Variants in RELN observed in about 807,000 individuals in gnomAD.
The protein encoded by RELN is reelin.
Under a neutral mutation model 427.6 loss-of-function variants are expected in RELN, and 108 were observed. The ratio of observed to expected loss-of-function variants is 0.25; its 90% CI spans 0.22 to 0.30. The LOEUF (loss-of-function observed/expected upper bound fraction) is 0.30. Among genes scored for constraint, RELN ranks in the 10% least tolerant of loss-of-function variants. The probability of loss-of-function intolerance (pLI) is 1.00; values close to 1 mark genes in which losing one functional copy is unlikely to be tolerated. For synonymous variants in RELN, 1,524 were observed against 1,513.4 expected (o/e 1.01, Z -0.16); for missense variants, 3,715 against 4,302.8 (o/e 0.86, Z 3.82).
intron 2 of RELN, among the ~76,000 whole-genome samples, chr7:103,854,197 C>T (rs1052524595): frequency 6.6e-6 from 1 of 152,124 alleles, no homozygotes; most frequent in East Asian, 1.9e-4. Context: ...ATCGATTCAT[C>T]TGTTGTAGTC....
At chr7:103,976,922 C>T (rs1004962990) in intron 1 of RELN, among the ~76,000 whole-genome samples, 9 of 151,854 alleles carry the variant, frequency 5.9e-5, no homozygotes, top group Non-Finnish European at 1.2e-4. Context: ...TATGGTGGCA[C>T]GTGCCTGTAA....
chr7:103,564,545 T>C (rs1219049379), intron 34 of RELN, among the ~76,000 whole-genome samples: 1 of 152,154 alleles, frequency 6.6e-6, no homozygotes, highest in Non-Finnish European at 1.5e-5. Flanking sequence ...AAGATGCACT[T>C]GAGGCAGAAA....
intron 3 of RELN, among the ~76,000 whole-genome samples, chr7:103,787,789 A>G (rs1792056581): frequency 1.3e-5 from 2 of 152,230 alleles, no homozygotes; most frequent in African/African-American, 4.8e-5. Flanking sequence ...TTCTGAAACT[A>G]TTCCAAACAT....
intron 3 of RELN, among the ~76,000 whole-genome samples, chr7:103,823,788 C>A (rs538718465): frequency 1.3e-4 from 20 of 152,182 alleles, no homozygotes; most frequent in African/African-American, 4.3e-4. Flanking sequence ...GTATCCTACA[C>A]CTTCCTTCTG....
At chr7:103,560,125 C>CAT (rs1830610365) in intron 36 of RELN, among the ~76,000 whole-genome samples, 1 of 152,340 alleles carries the variant, frequency 6.6e-6, no homozygotes, top group African/African-American at 2.4e-5. Context: ...TCTGCTGCCA[C>CAT]ATATATTCTA....
chr7:103,905,710 CTTCACAGGAGTGAAGATG>C (rs1795189547), intron 2 of RELN, among the ~76,000 whole-genome samples: 1 of 151,390 alleles, frequency 6.6e-6, no homozygotes, highest in Non-Finnish European at 1.5e-5. Context: ...GTGAAGATGA[CTTCACAGGAGTGAAGATG>C]ACTAGGTTAT....
intron 20 of RELN, among the ~76,000 whole-genome samples, chr7:103,612,367 C>G (rs886897959): frequency 1.3e-5 from 2 of 151,786 alleles, no homozygotes; most frequent in Admixed American, 6.6e-5. Flanking sequence ...CCTCCGCCCC[C>G]CTGGTTCAAG....
chr7:103,960,783 G>A (rs762314557), intron 1 of RELN, among the ~76,000 whole-genome samples: 6 of 152,110 alleles, frequency 3.9e-5, no homozygotes, highest in Non-Finnish European at 7.3e-5. Flanking sequence ...CAAACTCTCC[G>A]CTCTGTCCCC....
chr7:103,476,237 G>A (rs1209091900), intron 64 of RELN, among the ~76,000 whole-genome samples: 1 of 152,146 alleles, frequency 6.6e-6, no homozygotes. Flanking sequence ...GGCTGAGGAA[G>A]GCAGATCATG....
At chr7:103,815,720 A>T (rs1792853595) in intron 3 of RELN, among the ~76,000 whole-genome samples, 2 of 151,962 alleles carry the variant, frequency 1.3e-5, no homozygotes, top group South Asian at 4.1e-4. Context: ...TCCCCCAAAG[A>T]CTTTCTAAAA....
intron 3 of RELN, among the ~76,000 whole-genome samples, chr7:103,822,463 G>A (rs1793037912): frequency 6.6e-6 from 1 of 152,002 alleles, no homozygotes; most frequent in African/African-American, 2.4e-5. Flanking sequence ...GAGCACCTAA[G>A]ATACTGTAAT....
intron 16 of RELN, among the ~76,000 whole-genome samples, chr7:103,642,351 T>G (rs1478479130): frequency 1.2e-4 from 9 of 77,044 alleles, no homozygotes; most frequent in African/African-American, 1.5e-4. Context: ...TTCATAGTGT[T>G]TTTTTTTTTT....
At position 103,558,003 on chromosome 7, in the gene RELN, G is replaced by T; in HGVS notation, c.5576C>A (p.Thr1859Lys). ...LISRDLDCTN[T>K]MYVQFSLRFI... ...TCTAAGTGAAAACTGGACATACATT[G>T]TATTTGTACAATCTAGATCTCTTGA... Residue 1859 changes from threonine to lysine, a missense_variant, in exon 37 of 65, where the codon ACA becomes AAA. Physicochemically the swap from Thr to Lys is moderately conservative, Grantham distance 78. Around this residue, in one of 4 missense-constraint regions of RELN, gnomAD observed 2,208 missense variants for 2,361.7 expected, o/e 0.93. Coordinates refer to ENST00000428762, the MANE Select transcript of RELN (RefSeq NM_005045.4). 6.7e-7 allele frequency: 1 copy of T among 1,498,360 alleles called. No homozygotes were observed. Among genetic ancestry groups the T allele is most frequent in the Non-Finnish European group, 9.3e-7 (1 of 1,074,874 alleles). The allele number at this position is 1,498,360 out of a possible 1,614,324, so 92.8% of individuals were successfully genotyped here.
intron 17 of RELN, among the ~76,000 whole-genome samples, chr7:103,637,857 A>G (rs1350800414): frequency 6.6e-6 from 1 of 152,198 alleles, no homozygotes; most frequent in Non-Finnish European, 1.5e-5. Flanking sequence ...TAGCAAGACT[A>G]TCTATTCCAG....
intron 4 of RELN, among the ~76,000 whole-genome samples, chr7:103,766,972 G>A (rs1176820440): frequency 6.6e-6 from 1 of 152,218 alleles, no homozygotes; most frequent in Non-Finnish European, 1.5e-5. Flanking sequence ...TTGGGCTTTG[G>A]GGGCACTATA....
intron 61 of RELN, among the ~76,000 whole-genome samples, chr7:103,485,182 A>G (rs1828386691): frequency 6.7e-6 from 1 of 149,958 alleles, no homozygotes; most frequent in African/African-American, 2.5e-5. Context: ...ATGATGTTAC[A>G]GAAAACACCA....
At chr7:103,784,771 C>A (rs937755762) in intron 3 of RELN, among the ~76,000 whole-genome samples, 17 of 152,230 alleles carry the variant, frequency 1.1e-4, no homozygotes, top group African/African-American at 4.1e-4. Flanking sequence ...ACTCAGAAAA[C>A]ATTCTTTTTG....
At chr7:103,602,818 C>T (rs957610215) in intron 24 of RELN, among the ~76,000 whole-genome samples, 51 of 152,048 alleles carry the variant, frequency 3.4e-4, no homozygotes, top group African/African-American at 1.2e-3. Context: ...TACCCCAGAA[C>T]TTAAATAATT....
At chr7:103,595,953 A>C (rs1230119538) in intron 25 of RELN, among the ~76,000 whole-genome samples, 1 of 152,212 alleles carries the variant, frequency 6.6e-6, no homozygotes, top group African/African-American at 2.4e-5. Flanking sequence ...TTCCCAATAC[A>C]TCAAAATTAA....
Sources: allele counts gnomAD v4.1 joint callset (sites outside exome capture counted in the v4.1 genomes callset), GRCh38; gene constraint gnomAD v4.1.1; regional missense constraint gnomAD v4.1.1; transcripts MANE v1.5; gene names NCBI Gene and HGNC (gene_info 2026-07-23, HGNC 2026-07-21).